CCDC91: variants seen among roughly 807,000 people sequenced by gnomAD.
CCDC91 encodes coiled-coil domain containing 91, also known as coiled-coil domain-containing protein 91.
Under a neutral mutation model 63.2 loss-of-function variants are expected in CCDC91, and 48 were observed. That is an observed-to-expected ratio of 0.76 (90% CI 0.60 to 0.97). The LOEUF is 0.97. Ranked by LOEUF, CCDC91 falls within the 50% of genes least tolerant of loss-of-function variation. CCDC91 has a pLI of 0.00. For synonymous variants in CCDC91, 167 were observed against 165.8 expected (o/e 1.01, Z -0.06); for missense variants, 500 against 494.6 (o/e 1.01, Z -0.10).
chr12:28,245,322 G>GA (rs955926278), intron 1 of CCDC91, among the ~76,000 whole-genome samples: 17 of 150,066 alleles, frequency 1.1e-4, no homozygotes, highest in African/African-American at 3.2e-4. Flanking sequence ...TCCATATCAG[G>GA]AAAAAAAAAG....
chr12:28,383,211 G>A (rs186857562), intron 7 of CCDC91, among the ~76,000 whole-genome samples: 9 of 151,868 alleles, frequency 5.9e-5, no homozygotes, highest in East Asian at 1.9e-4. Context: ...ACTTTATAGC[G>A]TGGCTAGACT....
At chr12:28,279,904 C>T (rs552020271) in intron 3 of CCDC91, among the ~76,000 whole-genome samples, 22 of 143,484 alleles carry the variant, frequency 1.5e-4, no homozygotes, top group African/African-American at 5.3e-4. Context: ...AGTGTTCATA[C>T]ACTTTTGTTT....
At chr12:28,290,678 T>C (rs536433946) in intron 3 of CCDC91, among the ~76,000 whole-genome samples, 1 of 152,260 alleles carries the variant, frequency 6.6e-6, no homozygotes, top group South Asian at 2.1e-4. Flanking sequence ...TAGGAGCCAA[T>C]TGTTTTTTAT....
intron 12 of CCDC91, among the ~76,000 whole-genome samples, chr12:28,508,194 A>C (rs1938968018): frequency 6.6e-6 from 1 of 151,886 alleles, no homozygotes; most frequent in African/African-American, 2.4e-5. Flanking sequence ...AAGTTCTTGT[A>C]ACAGCTCCTC....
chr12:28,390,388 A>G (rs552477425), intron 7 of CCDC91, among the ~76,000 whole-genome samples: 22 of 151,556 alleles, frequency 1.5e-4, no homozygotes, highest in African/African-American at 5.1e-4. Flanking sequence ...AGTAGTTTAA[A>G]CAGACATCTA....
intron 7 of CCDC91, among the ~76,000 whole-genome samples, chr12:28,384,860 C>T (rs1253900895): frequency 2.0e-5 from 3 of 152,026 alleles, no homozygotes; most frequent in Non-Finnish European, 4.4e-5. Flanking sequence ...GACTGCGATT[C>T]ATCATTTTTA....
At chr12:28,350,706 C>T (rs939823936) in intron 6 of CCDC91, among the ~76,000 whole-genome samples, 42 of 152,178 alleles carry the variant, frequency 2.8e-4, no homozygotes, top group Admixed American at 1.8e-3. Context: ...TCCCTCTGAA[C>T]TCTTTCCTGG....
rs1488281962 is a variant in CCDC91 at position 28,437,402 on chromosome 12, C to T, written c.763-12759C>T. Among the ~76,000 whole-genome samples the T allele has an allele frequency of 2.0e-5, 3 of 151,940 alleles. No individual in the cohort carries two copies. In the East Asian group the frequency reaches 5.8e-4, roughly 29 times the overall value. On this transcript the variant is annotated intron_variant, in intron 8 of 12. Coordinates refer to ENST00000536442, the MANE Select transcript of CCDC91 (RefSeq NM_018318.5). ...ATCTTCATGCATATTGTTTTTATTC[C>T]TTTGTATTACATGAAGTGCCCTGCT...
chr12:28,278,597 GT>G (rs925388304), intron 3 of CCDC91, among the ~76,000 whole-genome samples: 3 of 151,966 alleles, frequency 2.0e-5, no homozygotes, highest in Non-Finnish European at 4.4e-5. Context: ...AAGTCTTTTT[GT>G]TTATTCAGTA....
intron 3 of CCDC91, 23 bp downstream of exon 3, chr12:28,259,465 GTTTTT>G: frequency 1.7e-6 from 2 of 1,144,962 alleles, no homozygotes; most frequent in Non-Finnish European, 1.2e-6. Flanking sequence ...AGGAATTAGG[GTTTTT>G]TTTTTTTTTT....
intron 8 of CCDC91, among the ~76,000 whole-genome samples, chr12:28,402,768 C>T (rs1237648885): frequency 6.6e-6 from 1 of 151,958 alleles, no homozygotes; most frequent in Non-Finnish European, 1.5e-5. Context: ...TAAATATGAT[C>T]TTGGCTGTAG....
intron 6 of CCDC91, among the ~76,000 whole-genome samples, chr12:28,335,398 T>C (rs1941891306): frequency 7.0e-6 from 1 of 141,938 alleles, no homozygotes; most frequent in South Asian, 2.1e-4. Context: ...AAATATTATG[T>C]ATATATAAAT....
chr12:28,210,244 A>C (rs1379846224), intron 1 of CCDC91, among the ~76,000 whole-genome samples: 1 of 152,254 alleles, frequency 6.6e-6, no homozygotes, highest in Non-Finnish European at 1.5e-5. Context: ...TGACCTGAAT[A>C]ATTTAGATCG....
At chr12:28,395,031 A>G (rs962184410) in intron 8 of CCDC91, among the ~76,000 whole-genome samples, 3 of 152,218 alleles carry the variant, frequency 2.0e-5, no homozygotes, top group Admixed American at 6.5e-5. Flanking sequence ...GACTGTTTGT[A>G]TAGCTAGTAT....
chr12:28,255,174 C>T (rs557985277), intron 1 of CCDC91, among the ~76,000 whole-genome samples: 207 of 152,280 alleles, frequency 1.4e-3, no homozygotes, highest in African/African-American at 4.5e-3. Context: ...TTCATTACCA[C>T]AGTCAAACAA....
intron 11 of CCDC91, among the ~76,000 whole-genome samples, chr12:28,480,001 A>G (rs1245486960): frequency 6.6e-6 from 1 of 152,032 alleles, no homozygotes; most frequent in African/African-American, 2.4e-5. Context: ...AGCTCTTTAC[A>G]TCTTGGGTTG....
rs569928964 is a variant in CCDC91 at position 28,484,505 on chromosome 12, C to T, written c.1215+340C>T. ...GTTAATTTCTTATAATATTCATAGA[C>T]ATGTGTATGCATCATTTAAGCTTTC... On this transcript the variant is annotated intron_variant, in intron 12 of 12. Transcript: ENST00000536442. Among the ~76,000 whole-genome samples the T allele has an allele frequency of 3.3e-5, 5 of 152,166 alleles. No homozygotes were observed. In the South Asian group the frequency reaches 1.0e-3, roughly 32 times the overall value.
chr12:28,407,921 A>G (rs2139646369), intron 8 of CCDC91, among the ~76,000 whole-genome samples: 1 of 150,480 alleles, frequency 6.6e-6, no homozygotes, highest in East Asian at 1.9e-4. Context: ...TAAGGACACA[A>G]TTGGTCTTAA....
chr12:28,270,108 A>G (rs142795500), intron 3 of CCDC91, among the ~76,000 whole-genome samples: 22 of 152,106 alleles, frequency 1.4e-4, no homozygotes, highest in African/African-American at 5.3e-4. Flanking sequence ...ATTAAAACGG[A>G]AAATCTTCTA....
Sources: allele counts gnomAD v4.1 joint callset (sites outside exome capture counted in the v4.1 genomes callset), GRCh38; gene constraint gnomAD v4.1.1; transcripts MANE v1.5; gene names NCBI Gene and HGNC (gene_info 2026-07-23, HGNC 2026-07-21).